Variants in TRIM6 observed in about 807,000 individuals in gnomAD.
The protein encoded by TRIM6 is tripartite motif-containing protein 6.
In TRIM6, 43 loss-of-function variants were observed where a neutral mutation model predicts 51.2. That is an observed-to-expected ratio of 0.84 (90% CI 0.66 to 1.08). TRIM6 has a LOEUF of 1.08. Among genes scored for constraint, TRIM6 ranks in the 50% least tolerant of loss-of-function variants. TRIM6 has a pLI of 0.00. For missense variants in TRIM6, 669 were observed against 619.0 expected (o/e 1.08, Z -0.86); for synonymous variants, 215 against 232.4 (o/e 0.93, Z 0.68).
chr11:5,602,305 T>C (rs972722581), intron 1 of TRIM6, among the ~76,000 whole-genome samples: 1 of 151,974 alleles, frequency 6.6e-6, no homozygotes, highest in Non-Finnish European at 1.5e-5. Flanking sequence ...TAGCCGGACA[T>C]AGTGGCAGGC....
At chr11:5,606,820 C>T (rs1486188097) in intron 4 of TRIM6, among the ~76,000 whole-genome samples, 2 of 152,202 alleles carry the variant, frequency 1.3e-5, no homozygotes, top group African/African-American at 4.8e-5. Flanking sequence ...CTTGAGTAGT[C>T]TTTTCTAAAA....
intron 6 of TRIM6, 91 bp downstream of exon 6, chr11:5,610,336 T>C: frequency 6.3e-7 from 1 of 1,591,998 alleles, no homozygotes; most frequent in Non-Finnish European, 8.6e-7. Context: ...TATTTGAGCA[T>C]AGTGGCAAAG....
intron 5 of TRIM6, among the ~76,000 whole-genome samples, 179 bp from the exon 6 acceptor site, chr11:5,609,966 G>A (rs1369438393): frequency 6.6e-6 from 1 of 152,182 alleles, no homozygotes; most frequent in Non-Finnish European, 1.5e-5. Flanking sequence ...TAGATGGTGA[G>A]ATGATAGTTT....
Position 5,610,901 on chromosome 11 carries a change from T to G in TRIM6, c.1110T>G (p.Cys370Trp), listed in dbSNP as rs957046567. The G allele has an allele frequency of 6.2e-7, 1 of 1,614,074 alleles. No homozygotes were observed. Among genetic ancestry groups the G allele is most frequent in the Non-Finnish European group, 8.5e-7 (1 of 1,180,048 alleles). ...GPSCLEKHYD[C>W]SVLGSQHFSS... is the part of the protein sequence containing the mutation. ...CCTGTCTGGAAAAGCATTATGACTG[T>G]AGTGTCCTGGGCTCCCAGCACTTCT... Residue 370 changes from cysteine (C) to tryptophan (W), a missense_variant, in exon 8 of 8, where the codon TGT becomes TGG. Physicochemically the swap from Cys to Trp is radical, Grantham distance 215 (BLOSUM62 -2). Transcript: ENST00000380097.
At position 5,610,153 on chromosome 11, in the gene TRIM6, T is replaced by G. The variant is rs1590118777; in HGVS notation, c.866T>G (p.Phe289Cys). Residue 289 changes from phenylalanine to cysteine, a missense_variant, in exon 6 of 8, where the codon TTC becomes TGC. Coordinates refer to ENST00000380097, the MANE Select transcript of TRIM6 (RefSeq NM_001003818.3). The part of the protein sequence containing the change: ...DVSDVTERSE[F>C]WTLRKPEALP... ...AGTCCTGTCCTTTCTAGGAGTGAGT[T>G]CTGGACCCTGAGGAAGCCAGAAGCT... is the stretch of plus-strand genomic sequence containing the variant. The G allele has an allele frequency of 6.2e-7, 1 of 1,613,984 alleles. No individual in the cohort carries two copies. Among genetic ancestry groups the G allele is most frequent in the Non-Finnish European group, 8.5e-7 (1 of 1,179,966 alleles).
At position 5,611,303 on chromosome 11, in the gene TRIM6, C is replaced by T. The variant is rs1848565476; in HGVS notation, c.1512C>T (p.Asn504=). Residue 504 remains asparagine, a synonymous_variant, in exon 8 of 8, where the codon AAC becomes AAT. Coordinates refer to ENST00000380097, the MANE Select transcript of TRIM6 (RefSeq NM_001003818.3). ...TTLCPYFNPC[N]CVIPMTLRRP... Reference sequence around the variant, plus strand: ...TTTGTCCATATTTTAATCCTTGCAACTGTGTAATTCCTATGACCCTGCGTC... The same window carrying T: ...TTTGTCCATATTTTAATCCTTGCAATTGTGTAATTCCTATGACCCTGCGTC... 1 of 1,614,028 alleles carries T rather than the reference C, an allele frequency of 6.2e-7. No homozygotes were observed. The highest frequency in any genetic ancestry group is 1.7e-5 in the Admixed American group (1 of 59,990).
At chr11:5,596,570 C>A (rs995818602), upstream of TRIM6, 67 of 54,316 alleles carry the variant, frequency 1.2e-3, 1 homozygote, top group South Asian at 3.2e-3. Context: ...CCTCCCCCAT[C>A]TCCAGCCTGG....
chr11:5,597,996 A>C (rs534754026), intron 1 of TRIM6, among the ~76,000 whole-genome samples: 17 of 152,338 alleles, frequency 1.1e-4, no homozygotes, highest in Admixed American at 4.6e-4. Flanking sequence ...AAGTGCTTGC[A>C]GTGTTGCTAG....
In TRIM6 at chr11:5,603,434, C is replaced by T; in HGVS notation, c.206C>T (p.Pro69Leu). 6.2e-7 allele frequency: 1 copy of T among 1,614,076 alleles called. No homozygotes were observed. Among genetic ancestry groups the T allele is most frequent in the Non-Finnish European group, 8.5e-7 (1 of 1,180,032 alleles). ...GHSFCQACIT[P>L]NGRESVIGQE... ...AGCTTCTGCCAAGCCTGCATCACAC[C>T]AAATGGCAGGGAATCAGTGATTGGT... The change falls in exon 2 of 8, where the codon CCA becomes CTA. Residue 69 changes from proline (P) to leucine (L), a missense_variant. Transcript: ENST00000380097.
In TRIM6 at chr11:5,603,350, T is replaced by C; in HGVS notation, c.122T>C (p.Val41Ala). The C allele has an allele frequency of 6.2e-7, 1 of 1,613,642 alleles. No homozygotes were observed. The highest frequency in any genetic ancestry group is 8.5e-7 in the Non-Finnish European group (1 of 1,179,912). ...SPVLVDIREE[V>A]TCPICLELLT... is the part of the protein sequence containing the mutation. Reference sequence around the variant, plus strand: ...GTACTGGTGGACATACGAGAAGAGGTGACCTGCCCTATCTGCCTGGAGCTC... The same window carrying C: ...GTACTGGTGGACATACGAGAAGAGGCGACCTGCCCTATCTGCCTGGAGCTC... The change falls in exon 2 of 8, where the codon GTG (valine) becomes GCG (alanine). Residue 41 changes from valine (V) to alanine (A), a missense_variant. By Grantham distance (64) the Val-to-Ala change is moderately conservative. Transcript: ENST00000380097.
intron 4 of TRIM6, among the ~76,000 whole-genome samples, chr11:5,607,859 G>A (rs1447081367): frequency 6.6e-6 from 1 of 152,064 alleles, no homozygotes; most frequent in Non-Finnish European, 1.5e-5. Flanking sequence ...AAGGAAAGGG[G>A]GCTGAGCAGA....
Position 5,596,662 on chromosome 11 carries a change from C to G in TRIM6, c.-236C>G. On this transcript the variant is annotated 5_prime_UTR_variant, in exon 1 of 8. Transcript: ENST00000380097. ...AGAAGGAGTTGGGAGATGAGCCTTC[C>G]GCAAACTCCTGACCTGTGGGTCCGT... 1 of 548,120 alleles carries G rather than the reference C, an allele frequency of 1.8e-6. No individual in the cohort carries two copies. Among genetic ancestry groups the G allele is most frequent in the Non-Finnish European group, 3.1e-6 (1 of 321,026 alleles). The allele number at this position is 548,120 out of a possible 1,614,324, so 34.0% of individuals were successfully genotyped here.
At chr11:5,610,113 G>A (rs775091833) in intron 5 of TRIM6, 32 bp from the exon 6 acceptor site, 4 of 1,607,800 alleles carry the variant, frequency 2.5e-6, no homozygotes, top group Non-Finnish European at 3.4e-6. Context: ...ACAGTCAGCA[G>A]TGTGGGAACT....
At chr11:5,596,592 A>G (rs1330717190), upstream of TRIM6, 1 of 127,124 alleles carries the variant, frequency 7.9e-6, no homozygotes, top group Non-Finnish European at 1.6e-5. Flanking sequence ...CGCTCCAGGA[A>G]GTGAGCACCG....
intron 4 of TRIM6, among the ~76,000 whole-genome samples, chr11:5,606,110 C>A (rs1848190302): frequency 6.6e-6 from 1 of 152,212 alleles, no homozygotes; most frequent in Non-Finnish European, 1.5e-5. Context: ...GGGAATTTGC[C>A]AAGTGCTTCT....
chr11:5,612,062 C>G lies in TRIM6; in HGVS notation c.*720C>G, dbSNP rs1389114139. 6.6e-6 allele frequency: 1 copy of G among 152,126 alleles called. No homozygotes were observed. The highest frequency in any genetic ancestry group is 1.5e-5 in the Non-Finnish European group (1 of 68,034). 9.4% of individuals were successfully genotyped at this position (152,126 alleles called of 1,614,324 possible). ...TAATGTGGCTTAGTACATTGATTTA[C>G]TTCAATTTGTTACCACAACTTGCTG... On this transcript the variant is annotated 3_prime_UTR_variant, in exon 8 of 8. Transcript: ENST00000380097.
In TRIM6 at chr11:5,605,388, C is replaced by G; in HGVS notation, c.655C>G (p.Arg219Gly). Residue 219 changes from arginine (R) to glycine (G), a missense_variant, in exon 4 of 8, where the codon CGA (arginine) becomes GGA (glycine). Arg to Gly is a moderately radical substitution (Grantham distance 125). Coordinates refer to ENST00000380097, the MANE Select transcript of TRIM6 (RefSeq NM_001003818.3). The part of the protein sequence containing the change: ...CRIQTEFNQL[R>G]NILDRVEQRE... ...GATCCAGACAGAGTTTAATCAGCTG[C>G]GAAATATCCTAGACAGAGTGGAGCA... 1 of 1,614,086 alleles carries G rather than the reference C, an allele frequency of 6.2e-7. No individual in the cohort carries two copies.
At chr11:5,604,484 T>A (rs767629098) in intron 2 of TRIM6, 50 bp from the exon 3 acceptor site, 1 of 1,578,238 alleles carries the variant, frequency 6.3e-7, no homozygotes, top group Non-Finnish European at 8.6e-7. Flanking sequence ...GTCTGGGTAC[T>A]GAGTCAACTG....
intron 3 of TRIM6, 158 bp downstream of exon 3, chr11:5,604,787 G>A: frequency 1.5e-6 from 1 of 669,284 alleles, no homozygotes; most frequent in East Asian, 2.9e-5. Context: ...CAAACAGGGG[G>A]AGGAGAGGAG....
Sources: gnomAD v4.1 joint callset for allele counts (sites outside exome capture counted in the v4.1 genomes callset) on GRCh38, gnomAD v4.1.1 for gene constraint, MANE v1.5 for transcripts, NCBI Gene and HGNC (gene_info 2026-07-23, HGNC 2026-07-21) for gene names.